SCAF1: variants seen among roughly 807,000 people sequenced by gnomAD.
SCAF1 encodes splicing factor, arginine/serine-rich 19.
A neutral mutation model predicts 91.2 loss-of-function variants in SCAF1; 28 were observed. The observed-to-expected ratio is 0.31, with a 90% CI of 0.23 to 0.42. The LOEUF (loss-of-function observed/expected upper bound fraction) is 0.42, where lower values mean the gene tolerates loss of function less well. Among genes scored for constraint, SCAF1 ranks in the 10% least tolerant of loss-of-function variants. The pLI is 1.00. For synonymous variants in SCAF1, 1,036 were observed against 833.7 expected (o/e 1.24, Z -4.18); for missense variants, 1,893 against 1,872.1 (o/e 1.01, Z -0.21).
intron 9 of SCAF1, among the ~76,000 whole-genome samples, chr19:49,656,480 A>C (rs1001901816): frequency 2.6e-5 from 4 of 152,158 alleles, no homozygotes; most frequent in Non-Finnish European, 5.9e-5. Context: ...TTGGGAGGGC[A>C]GCTTCTCCAA....
rs1048736367 is a variant in SCAF1, at chr19:49,645,838, G to A, written c.167-270G>A. On this transcript the variant is annotated intron_variant, in intron 3 of 10. Transcript: ENST00000360565. The surrounding 1 kb of genome is among the most constrained non-coding windows in gnomAD (Gnocchi z 4.6). ...GAGGGTGTGAGTGGGGTTGGGGGAGGCAGGAGAGGTCTGTGGGGACTGGAT... is the reference window on the plus strand; with the variant it reads ...GAGGGTGTGAGTGGGGTTGGGGGAGACAGGAGAGGTCTGTGGGGACTGGAT... Among the ~76,000 whole-genome samples the A allele has an allele frequency of 1.1e-4, 16 of 152,150 alleles. No homozygotes were observed. Among genetic ancestry groups the A allele is most frequent in the Non-Finnish European group, 2.1e-4 (14 of 68,012 alleles).
At chr19:49,647,393 C>T (rs1302796507) in intron 6 of SCAF1, among the ~76,000 whole-genome samples, 2 of 152,218 alleles carry the variant, frequency 1.3e-5, no homozygotes, top group African/African-American at 4.8e-5. Context: ...TGGGCCCACT[C>T]CCAAGAGTTC....
At position 49,658,414 on chromosome 19, in the gene SCAF1, T is replaced by A. The variant is rs2081161520; in HGVS notation, c.*15T>A. 1.4e-6 allele frequency: 2 copies of A among 1,464,920 alleles called. No individual in the cohort carries two copies. Among genetic ancestry groups the A allele is most frequent in the Non-Finnish European group, 1.8e-6 (2 of 1,086,050 alleles). 90.7% of individuals were successfully genotyped at this position (1,464,920 alleles called of 1,614,324 possible). A position where few individuals can be genotyped will look rare whatever the true frequency, so the allele number is the denominator to read the frequency against. On this transcript the variant is annotated 3_prime_UTR_variant, in exon 11 of 11. Transcript: ENST00000360565. ...CCCCTCTCTGAGAGCCCTGGCCAGC[T>A]CTTCGCCCCTCACCTCTTTGAAACT...
chr19:49,649,620 C>A (rs1384564412), intron 6 of SCAF1, among the ~76,000 whole-genome samples: 4 of 152,112 alleles, frequency 2.6e-5, no homozygotes, highest in African/African-American at 9.7e-5. Context: ...CTCAGCCTCC[C>A]GAGTAGTTGG....
rs1200893072 is a variant in SCAF1 at position 49,645,396 on chromosome 19, C to T, written c.151C>T (p.Leu51=). 6.2e-7 allele frequency: 1 copy of T among 1,613,776 alleles called. No homozygotes were observed. The part of the protein sequence containing the change: ...QAVGSSLQGD[L]PNDKDGSRCH... ...TGTGGGAAGCTCCCTGCAGGGGGACCTGCCCAATGATAAAGGTATGGCGGC... is the reference window on the plus strand; with the variant it reads ...TGTGGGAAGCTCCCTGCAGGGGGACTTGCCCAATGATAAAGGTATGGCGGC... The change falls in exon 3 of 11, where the codon CTG becomes TTG. Residue 51 remains leucine, a synonymous_variant. Transcript: ENST00000360565. This position sits in a 1 kb window ranked among gnomAD's most constrained non-coding sequence, Gnocchi z 4.6.
chr19:49,654,792 C>A lies in SCAF1; in HGVS notation c.3540C>A (p.Pro1180=), dbSNP rs528194812. 29 of 1,612,894 alleles carry A rather than the reference C, an allele frequency of 1.8e-5. No homozygotes were observed. Among genetic ancestry groups the A allele is most frequent in the Admixed American group, 3.3e-5 (2 of 59,982 alleles). Reference sequence around the variant, plus strand: ...TGGGGGGCTGCGGTTCGACCCCCCCCACCCCCACCGGGCTGGCTGCCACGT... The same window carrying A: ...TGGGGGGCTGCGGTTCGACCCCCCCAACCCCCACCGGGCTGGCTGCCACGT... The part of the protein sequence containing the change: ...LPLGGCGSTP[P]TPTGLAATSD... Residue 1180 remains proline, a synonymous_variant, in exon 9 of 11, where the codon CCC becomes CCA. Transcript: ENST00000360565.
At chr19:49,649,202 C>T (rs2081071933) in intron 6 of SCAF1, among the ~76,000 whole-genome samples, 2 of 152,112 alleles carry the variant, frequency 1.3e-5, no homozygotes, top group South Asian at 4.1e-4. Context: ...AGAAAGTTCA[C>T]CCATAATCCT....
intron 10 of SCAF1, 92 bp downstream of exon 10, chr19:49,657,981 C>G: frequency 6.7e-7 from 1 of 1,488,098 alleles, no homozygotes; most frequent in African/African-American, 1.4e-5. Flanking sequence ...GGATGGGAGA[C>G]GGGGAGGAGG....
At position 49,653,455 on chromosome 19, in the gene SCAF1, G is replaced by C. The variant is rs1314854409; in HGVS notation, c.3066G>C (p.Glu1022Asp). Residue 1022 changes from glutamate to aspartate, a missense_variant, in exon 7 of 11, where the codon GAG becomes GAC. By Grantham distance (45) the Glu-to-Asp change is conservative. This residue lies in a region of SCAF1 where 1,436 missense variants were observed against 1,306.8 expected (regional missense o/e 1.10). Coordinates refer to ENST00000360565, the MANE Select transcript of SCAF1 (RefSeq NM_021228.3). Reference protein sequence around the residue: ...TEEAGVRGGAEEEEEEEEEEE... With the variant: ...TEEAGVRGGADEEEEEEEEEE... The stretch of plus-strand genomic sequence containing the variant: ...AGGCTGGGGTCCGAGGTGGGGCGGA[G>C]GAGGAGGAGGAGGAAGAAGAAGAGG... 6.5e-7 allele frequency: 1 copy of C among 1,541,412 alleles called. No homozygotes were observed. The highest frequency in any genetic ancestry group is 8.7e-7 in the Non-Finnish European group (1 of 1,144,316).
At position 49,646,270 on chromosome 19, in the gene SCAF1, T is replaced by C; in HGVS notation, c.261+68T>C. ...AGGGAGGAAGGGATGGGGGCCTGAGTCTGGGGGAATGGGGTTTGGGGACCT... is the reference window on the plus strand; with the variant it reads ...AGGGAGGAAGGGATGGGGGCCTGAGCCTGGGGGAATGGGGTTTGGGGACCT... On this transcript the variant is annotated intron_variant, in intron 4 of 10. Coordinates refer to ENST00000360565, the MANE Select transcript of SCAF1 (RefSeq NM_021228.3). This position sits in a 1 kb window ranked among gnomAD's most constrained non-coding sequence, Gnocchi z 5.6. The C allele has an allele frequency of 4.2e-6, 4 of 958,544 alleles. No homozygotes were observed. Among genetic ancestry groups the C allele is most frequent in the Non-Finnish European group, 6.3e-6 (4 of 639,566 alleles). The allele number at this position is 958,544 out of a possible 1,614,324, so 59.4% of individuals were successfully genotyped here.
chr19:49,657,159 CAAAG>C (rs1568446994), intron 9 of SCAF1, among the ~76,000 whole-genome samples: 2 of 152,066 alleles, frequency 1.3e-5, no homozygotes, highest in African/African-American at 2.4e-5. Context: ...GTCTCAAAAA[CAAAG>C]AAACAAAAAA....
rs1359279544 is a variant in SCAF1 at position 49,652,429 on chromosome 19, C to T, written c.2040C>T (p.Ser680=). The stretch of plus-strand genomic sequence containing the variant: ...CCACCTCGTGTGGTGACCGCGACAG[C>T]CGCCGCCGGGGGGCCGTGCCACCCT... The part of the protein sequence containing the change: ...SGSTSCGDRD[S]RRRGAVPPSI... Residue 680 remains serine, a synonymous_variant, in exon 7 of 11, where the codon AGC becomes AGT. Coordinates refer to ENST00000360565, the MANE Select transcript of SCAF1 (RefSeq NM_021228.3). The T allele has an allele frequency of 7.5e-6, 12 of 1,598,444 alleles. No individual in the cohort carries two copies. Among genetic ancestry groups the T allele is most frequent in the African/African-American group, 1.3e-5 (1 of 74,754 alleles).
rs2081085607 is a variant in SCAF1 at position 49,651,217 on chromosome 19, A to AGAAGAAGAGGAAGAG, written c.834_848dup (p.Glu278_Glu282dup). The AGAAGAAGAGGAAGAG allele has an allele frequency of 6.2e-7, 1 of 1,612,772 alleles. No homozygotes were observed. The highest frequency in any genetic ancestry group is 2.2e-5 in the East Asian group (1 of 44,830). ...AGGAGGAAGAGGAGGAGGAAGAGGAAGAAGAAGAGGAAGAGGAAGACGAGG... is the reference window on the plus strand; with the variant it reads ...AGGAGGAAGAGGAGGAGGAAGAGGAAGAAGAAGAGGAAGAGGAAGAAGAGGAAGAGGAAGACGAGG... On this transcript the variant is annotated inframe_insertion, in exon 7 of 11. Coordinates refer to ENST00000360565, the MANE Select transcript of SCAF1 (RefSeq NM_021228.3).
At chr19:49,647,713 C>T (rs1390298288) in intron 6 of SCAF1, among the ~76,000 whole-genome samples, 3 of 152,190 alleles carry the variant, frequency 2.0e-5, no homozygotes, top group Non-Finnish European at 2.9e-5. Flanking sequence ...CTCACTGCAA[C>T]CTCCACTTCC....
Position 49,645,177 on chromosome 19 carries a change from G to T in SCAF1, c.108+43G>T. The T allele has an allele frequency of 6.4e-7, 1 of 1,573,316 alleles. No individual in the cohort carries two copies. Among genetic ancestry groups the T allele is most frequent in the Non-Finnish European group, 8.7e-7 (1 of 1,144,226 alleles). On this transcript the variant is annotated intron_variant, in intron 2 of 10. Transcript: ENST00000360565. The surrounding 1 kb of genome is among the most constrained non-coding windows in gnomAD (Gnocchi z 4.6). ...CTGGCACTGAGGGATGGAGGAGCTG[G>T]GCATCCACACTCCAGGGGCCTGACT...
At position 49,652,976 on chromosome 19, in the gene SCAF1, G is replaced by GGCGGCT. The variant is rs1237565562; in HGVS notation, c.2590_2591insGCTGCG (p.Gly863_Val864insGlyCys). Reference sequence around the variant, plus strand: ...CGCGTCAGCCGGCCTGGGCTCCATTGGCGTCAAATTCAGCCGTGACCGCGA... The same window carrying GGCGGCT: ...CGCGTCAGCCGGCCTGGGCTCCATTGGCGGCTGCGTCAAATTCAGCCGTGACCGCGA... On this transcript the variant is annotated inframe_insertion, in exon 7 of 11. Transcript: ENST00000360565. 1 of 1,613,874 alleles carries GGCGGCT rather than the reference G, an allele frequency of 6.2e-7. No homozygotes were observed. Among genetic ancestry groups the GGCGGCT allele is most frequent in the Non-Finnish European group, 8.5e-7 (1 of 1,180,018 alleles).
At position 49,652,914 on chromosome 19, in the gene SCAF1, G is replaced by A. The variant is rs1284283661; in HGVS notation, c.2525G>A (p.Arg842His). The change falls in exon 7 of 11, where the codon CGC (arginine) becomes CAC (histidine). Residue 842 changes from arginine to histidine, a missense_variant. Arg to His is a conservative substitution (Grantham distance 29). Coordinates refer to ENST00000360565, the MANE Select transcript of SCAF1 (RefSeq NM_021228.3). ...KLQSKVAVLI[R>H]EGVSSTTPAK... ...CAGTCCAAGGTGGCGGTGCTGATCC[G>A]CGAGGGTGTCAGCAGCACCACCCCG... 6.2e-7 allele frequency: 1 copy of A among 1,613,816 alleles called. No individual in the cohort carries two copies. The highest frequency in any genetic ancestry group is 8.5e-7 in the Non-Finnish European group (1 of 1,179,964).
Position 49,645,518 on chromosome 19 carries a change from C to A in SCAF1, c.166+107C>A. 7.9e-7 allele frequency: 1 copy of A among 1,270,562 alleles called. No individual in the cohort carries two copies. Among genetic ancestry groups the A allele is most frequent in the Admixed American group, 2.3e-5 (1 of 42,566 alleles). The allele number at this position is 1,270,562 out of a possible 1,614,324, so 78.7% of individuals were successfully genotyped here. A position where few individuals can be genotyped will look rare whatever the true frequency, so the allele number is the denominator to read the frequency against. ...AAGCCTCCTGGGTGCCACCCTTGTG[C>A]TGGCATGGGGAGCCAAAAATGGGCA... On this transcript the variant is annotated intron_variant, in intron 3 of 10. Coordinates refer to ENST00000360565, the MANE Select transcript of SCAF1 (RefSeq NM_021228.3). The surrounding 1 kb of genome is among the most constrained non-coding windows in gnomAD (Gnocchi z 4.6).
Position 49,651,531 on chromosome 19 carries a change from C to A in SCAF1, c.1142C>A (p.Pro381Gln). The A allele has an allele frequency of 1.3e-6, 2 of 1,566,074 alleles. No individual in the cohort carries two copies. Among genetic ancestry groups the A allele is most frequent in the Non-Finnish European group, 1.7e-6 (2 of 1,157,556 alleles). The change falls in exon 7 of 11, where the codon CCG becomes CAG. Residue 381 changes from proline (P) to glutamine (Q), a missense_variant. Coordinates refer to ENST00000360565, the MANE Select transcript of SCAF1 (RefSeq NM_021228.3). ...ACCGCTGGTGGAGCCGCCCTCCCGC[C>A]GCCCCTGCTGCCGCCCGGCGACTCG... ...VVTAGGAALP[P>Q]PLLPPGDSEI...
Sources: gnomAD v4.1 joint callset for allele counts (sites outside exome capture counted in the v4.1 genomes callset) on GRCh38, gnomAD v4.1.1 for gene constraint, gnomAD v4.1.1 regional missense constraint, Gnocchi (gnomAD v3.1) non-coding constraint, MANE v1.5 for transcripts, NCBI Gene and HGNC (gene_info 2026-07-23, HGNC 2026-07-21) for gene names.